KCNH5: variants seen among roughly 807,000 people sequenced by gnomAD.
KCNH5 encodes the protein voltage-gated delayed rectifier potassium channel KCNH5.
In KCNH5, 46 loss-of-function variants were observed where a neutral mutation model predicts 96.1. That is an observed-to-expected ratio of 0.48 (90% CI 0.38 to 0.61). The LOEUF (loss-of-function observed/expected upper bound fraction) is 0.61. KCNH5 is among the 20% of genes least tolerant of loss of function. The pLI is 0.00. For synonymous variants in KCNH5, 439 were observed against 449.8 expected (o/e 0.98, Z 0.30); for missense variants, 907 against 1,225.8 (o/e 0.74, Z 3.88).
chr14:63,004,824 T>C (rs901331718), intron 3 of KCNH5, among the ~76,000 whole-genome samples: 2 of 152,322 alleles, frequency 1.3e-5, no homozygotes, highest in East Asian at 3.9e-4. Context: ...TTCACCTACA[T>C]ATTTTTTGAG....
intron 1 of KCNH5, among the ~76,000 whole-genome samples, chr14:63,035,421 T>C (rs1377762823): frequency 6.6e-6 from 1 of 152,238 alleles, no homozygotes; most frequent in East Asian, 1.9e-4. Flanking sequence ...CCTGTATGTT[T>C]TTAAATTTCT....
intron 10 of KCNH5, among the ~76,000 whole-genome samples, chr14:62,744,492 T>C (rs1885335282): frequency 6.6e-6 from 1 of 152,200 alleles, no homozygotes; most frequent in African/African-American, 2.4e-5. Flanking sequence ...ATATCAGTTA[T>C]TTCCATACCA....
At chr14:62,774,287 G>C (rs8022090) in intron 10 of KCNH5, among the ~76,000 whole-genome samples, 1 of 151,998 alleles carries the variant, frequency 6.6e-6, no homozygotes, top group East Asian at 1.9e-4. Flanking sequence ...CCACACTTCG[G>C]GAAGGAAAGT....
chr14:62,707,674 T>C lies in KCNH5; in HGVS notation c.2801A>G (p.Gln934Arg). 2 of 1,590,012 alleles carry C rather than the reference T, an allele frequency of 1.3e-6. No homozygotes were observed. The highest frequency in any genetic ancestry group is 1.3e-5 in the African/African-American group (1 of 74,178). ...LSCRMTALEK[Q>R]VAEILKILSE... is the part of the protein sequence containing the mutation. ...CAGTATTTTTAAAATTTCTGCCACCTGCTTTTCTAGGGCAGTCATTCTGCA... is the reference window on the plus strand; with the variant it reads ...CAGTATTTTTAAAATTTCTGCCACCCGCTTTTCTAGGGCAGTCATTCTGCA... Residue 934 changes from glutamine (Q) to arginine (R), a missense_variant, in exon 11 of 11, where the codon CAG (glutamine) becomes CGG (arginine). This residue lies in a region of KCNH5 where 362 missense variants were observed against 394.4 expected (regional missense o/e 0.92). Coordinates refer to ENST00000322893, the MANE Select transcript of KCNH5 (RefSeq NM_139318.5).
intron 8 of KCNH5, 132 bp from the exon 9 acceptor site, chr14:62,802,713 G>A: frequency 9.4e-7 from 1 of 1,068,758 alleles, no homozygotes; most frequent in Non-Finnish European, 1.3e-6. Flanking sequence ...TGGGTACTGG[G>A]AAGGCAAAGG....
At chr14:62,745,139 G>T (rs1177060953) in intron 10 of KCNH5, among the ~76,000 whole-genome samples, 7 of 152,148 alleles carry the variant, frequency 4.6e-5, no homozygotes, top group Admixed American at 3.3e-4. Flanking sequence ...AAGAGTGAAG[G>T]TCAACTCTCC....
At chr14:62,940,173 C>T (rs1161536082) in intron 7 of KCNH5, among the ~76,000 whole-genome samples, 2 of 152,152 alleles carry the variant, frequency 1.3e-5, no homozygotes. Flanking sequence ...ATCTGATCTG[C>T]CACCTGCTTA....
chr14:62,947,023 T>C (rs1889901009), intron 7 of KCNH5, among the ~76,000 whole-genome samples: 1 of 152,078 alleles, frequency 6.6e-6, no homozygotes, highest in Admixed American at 6.6e-5. Context: ...GCACATGTGA[T>C]AAAACAATAC....
At chr14:62,814,958 G>A (rs373927150) in intron 8 of KCNH5, among the ~76,000 whole-genome samples, 11 of 152,124 alleles carry the variant, frequency 7.2e-5, no homozygotes, top group Admixed American at 2.6e-4. Context: ...TATATGCAGC[G>A]AATCTTGTGA....
chr14:63,027,996 C>T (rs1891557041), intron 1 of KCNH5, among the ~76,000 whole-genome samples: 2 of 152,040 alleles, frequency 1.3e-5, no homozygotes, highest in African/African-American at 4.8e-5. Flanking sequence ...TAACCTATTT[C>T]AATTTTGGCT....
intron 1 of KCNH5, among the ~76,000 whole-genome samples, chr14:63,018,393 T>C (rs1174263529): frequency 6.6e-6 from 1 of 151,928 alleles, no homozygotes; most frequent in Admixed American, 6.6e-5. Flanking sequence ...ATCCTTCTTG[T>C]GGCCAAAACT....
rs369717133 is a variant in KCNH5, at chr14:62,720,870, G to A, written c.2020-12415C>T. Among the ~76,000 whole-genome samples the A allele has an allele frequency of 2.4e-3, 368 of 152,266 alleles. 3 individuals are homozygous for A. The South Asian group carries it at 0.032, about 13-fold the overall frequency. On this transcript the variant is annotated intron_variant, in intron 10 of 10. Coordinates refer to ENST00000322893, the MANE Select transcript of KCNH5 (RefSeq NM_139318.5). ...AAGTTATCCACACCATTACAGATGC[G>A]CGTGCATGCACACACACACACTGTA...
chr14:62,939,353 CT>C (rs1889744298), intron 7 of KCNH5, among the ~76,000 whole-genome samples: 1 of 152,160 alleles, frequency 6.6e-6, no homozygotes, highest in African/African-American at 2.4e-5. Context: ...CGTACACTTC[CT>C]TGACATGATT....
chr14:62,700,125 C>A lies in KCNH5; in HGVS notation c.*7383G>T, dbSNP rs1884324987. On this transcript the variant is annotated 3_prime_UTR_variant, in exon 11 of 11. Transcript: ENST00000322893. ...AATTTACATTGTAGTATACAAAATG[C>A]CACAACTAGTGTAAACAAAGTCACT... 1 of 152,082 alleles carries A rather than the reference C, an allele frequency of 6.6e-6. No individual in the cohort carries two copies. The highest frequency in any genetic ancestry group is 2.1e-4 in the South Asian group (1 of 4,826). 9.4% of individuals were successfully genotyped at this position (152,082 alleles called of 1,614,324 possible). A position where few individuals can be genotyped will look rare whatever the true frequency, so the allele number is the denominator to read the frequency against.
At chr14:62,816,503 T>C (rs1886981787) in intron 8 of KCNH5, among the ~76,000 whole-genome samples, 1 of 152,116 alleles carries the variant, frequency 6.6e-6, no homozygotes, top group Non-Finnish European at 1.5e-5. Flanking sequence ...TTATTAGTTA[T>C]AGTTGAAATA....
At chr14:62,759,047 C>A (rs1396875863) in intron 10 of KCNH5, among the ~76,000 whole-genome samples, 1 of 151,000 alleles carries the variant, frequency 6.6e-6, no homozygotes, top group Non-Finnish European at 1.5e-5. Flanking sequence ...ATTTTTAGTT[C>A]TGAGAACAAA....
intron 1 of KCNH5, among the ~76,000 whole-genome samples, chr14:63,030,135 G>A (rs1424101972): frequency 6.6e-6 from 1 of 152,126 alleles, no homozygotes; most frequent in Non-Finnish European, 1.5e-5. Flanking sequence ...TGTCCTCACA[G>A]CTCTTAAAGG....
chr14:62,713,364 G>A (rs1741704021), intron 10 of KCNH5, among the ~76,000 whole-genome samples: 1 of 152,080 alleles, frequency 6.6e-6, no homozygotes, highest in South Asian at 2.1e-4. Flanking sequence ...GGCATTCCTA[G>A]AACCTACCCA....
intron 1 of KCNH5, among the ~76,000 whole-genome samples, chr14:63,024,599 A>C (rs1390671017): frequency 6.6e-6 from 1 of 152,114 alleles, no homozygotes; most frequent in Non-Finnish European, 1.5e-5. Context: ...GAGACAATAC[A>C]ACTGATACCA....
Sources: gnomAD v4.1 joint callset for allele counts (sites outside exome capture counted in the v4.1 genomes callset) on GRCh38, gnomAD v4.1.1 for gene constraint, gnomAD v4.1.1 regional missense constraint, MANE v1.5 for transcripts, NCBI Gene and HGNC (gene_info 2026-07-23, HGNC 2026-07-21) for gene names.